GRIK2: variants seen among roughly 807,000 people sequenced by gnomAD.
GRIK2 encodes glutamate ionotropic receptor kainate type subunit 2.
A neutral mutation model predicts 100.3 loss-of-function variants in GRIK2; 32 were observed. The ratio of observed to expected loss-of-function variants is 0.32; its 90% CI spans 0.24 to 0.43. The LOEUF (loss-of-function observed/expected upper bound fraction) is 0.43. Ranked by LOEUF, GRIK2 falls within the 20% of genes least tolerant of loss-of-function variation. The pLI, the probability that GRIK2 is intolerant of heterozygous loss-of-function variation, is 1.00. For missense variants in GRIK2, 843 were observed against 1,114.9 expected (o/e 0.76, Z 3.47); for synonymous variants, 417 against 389.4 (o/e 1.07, Z -0.83).
At chr6:101,923,509 G>A (rs909132580) in intron 12 of GRIK2, among the ~76,000 whole-genome samples, 1 of 152,072 alleles carries the variant, frequency 6.6e-6, no homozygotes, top group South Asian at 2.1e-4. Flanking sequence ...TCTACAACTG[G>A]CCTTAAAAAT....
chr6:101,627,490 T>A (rs1780519814), intron 4 of GRIK2, among the ~76,000 whole-genome samples: 1 of 152,174 alleles, frequency 6.6e-6, no homozygotes, highest in African/African-American at 2.4e-5. Flanking sequence ...TTTGCTAGGG[T>A]AGTTTCTCAA....
At chr6:101,947,769 C>T (rs1013565791) in intron 14 of GRIK2, among the ~76,000 whole-genome samples, 2 of 152,164 alleles carry the variant, frequency 1.3e-5, no homozygotes, top group Admixed American at 1.3e-4. Context: ...TATTTCAATA[C>T]ACATGTTCAG....
chr6:101,428,568 T>C (rs973523758), intron 2 of GRIK2, among the ~76,000 whole-genome samples: 1 of 152,198 alleles, frequency 6.6e-6, no homozygotes, highest in Admixed American at 6.5e-5. Context: ...AAAAACTATA[T>C]TGAAATAAAA....
chr6:101,734,564 T>C (rs1012985557), intron 7 of GRIK2, among the ~76,000 whole-genome samples: 2 of 152,210 alleles, frequency 1.3e-5, no homozygotes. Flanking sequence ...ATCATGTTTG[T>C]CAAAGTATTT....
intron 10 of GRIK2, among the ~76,000 whole-genome samples, chr6:101,858,386 C>CTTTT (rs780526806): frequency 2.4e-4 from 22 of 91,654 alleles, no homozygotes; most frequent in Non-Finnish European, 3.4e-4. Flanking sequence ...ATTTTTTTTT[C>CTTTT]TTTTTTTTTT....
intron 14 of GRIK2, among the ~76,000 whole-genome samples, chr6:101,954,233 A>G (rs569016367): frequency 2.0e-5 from 3 of 152,234 alleles, no homozygotes; most frequent in Admixed American, 1.3e-4. Flanking sequence ...CTGCATCTAT[A>G]AGAATTTTGG....
intron 1 of GRIK2, among the ~76,000 whole-genome samples, chr6:101,396,433 A>G (rs1008684576): frequency 1.1e-4 from 16 of 151,626 alleles, no homozygotes; most frequent in African/African-American, 3.9e-4. Flanking sequence ...CTTTCTAGCA[A>G]TTTTTTTTTG....
chr6:101,415,431 C>A (rs577554950), intron 2 of GRIK2, among the ~76,000 whole-genome samples: 1 of 139,966 alleles, frequency 7.1e-6, no homozygotes, highest in African/African-American at 2.7e-5. Context: ...AGTGCAGTGG[C>A]GCGATCTCGG....
intron 10 of GRIK2, among the ~76,000 whole-genome samples, chr6:101,831,007 C>A (rs975317550): frequency 5.3e-5 from 8 of 151,986 alleles, no homozygotes; most frequent in African/African-American, 1.9e-4. Context: ...TTGAAAACAT[C>A]CTATTGGATA....
At chr6:101,664,309 G>C (rs1201713044) in intron 4 of GRIK2, among the ~76,000 whole-genome samples, 1 of 152,196 alleles carries the variant, frequency 6.6e-6, no homozygotes, top group Non-Finnish European at 1.5e-5. Context: ...GATGGGTCTA[G>C]GCTTTGGTCA....
intron 2 of GRIK2, among the ~76,000 whole-genome samples, chr6:101,503,694 A>G (rs1773883938): frequency 6.6e-6 from 1 of 152,116 alleles, no homozygotes; most frequent in Middle Eastern, 3.2e-3. Flanking sequence ...TAAATTTTAG[A>G]GTGTTTCTGT....
At chr6:101,696,104 A>G (rs1048918315) in intron 7 of GRIK2, among the ~76,000 whole-genome samples, 2 of 152,026 alleles carry the variant, frequency 1.3e-5, no homozygotes, top group Non-Finnish European at 2.9e-5. Flanking sequence ...TAAAAAACAA[A>G]TGACACACGT....
At chr6:101,783,324 C>G (rs557311311) in intron 7 of GRIK2, among the ~76,000 whole-genome samples, 44 of 146,790 alleles carry the variant, frequency 3.0e-4, no homozygotes, top group Non-Finnish European at 5.5e-4. Context: ...CATGCTCTCT[C>G]TCTCTCTCTT....
chr6:101,737,648 A>G (rs778290539), intron 7 of GRIK2, among the ~76,000 whole-genome samples: 1 of 152,234 alleles, frequency 6.6e-6, no homozygotes, highest in African/African-American at 2.4e-5. Context: ...GGGTGGGGAC[A>G]CAGATCCAAA....
At chr6:101,666,260 T>A (rs1173929358) in intron 4 of GRIK2, among the ~76,000 whole-genome samples, 1 of 152,192 alleles carries the variant, frequency 6.6e-6, no homozygotes, top group East Asian at 1.9e-4. Flanking sequence ...GTGCCCAGAC[T>A]TTTCAGTTGT....
chr6:101,990,773 T>C (rs762968212), intron 14 of GRIK2, among the ~76,000 whole-genome samples: 5 of 151,556 alleles, frequency 3.3e-5, no homozygotes, highest in Non-Finnish European at 5.9e-5. Context: ...AAAATTACAA[T>C]GGACATAAAT....
chr6:101,584,565 A>C (rs549518995), intron 2 of GRIK2, among the ~76,000 whole-genome samples: 1 of 151,928 alleles, frequency 6.6e-6, no homozygotes, highest in African/African-American at 2.4e-5. Context: ...AACAAAATCT[A>C]GAAGAACAAA....
At chr6:101,477,621 A>G (rs1338590652) in intron 2 of GRIK2, among the ~76,000 whole-genome samples, 1 of 152,188 alleles carries the variant, frequency 6.6e-6, no homozygotes, top group Admixed American at 6.5e-5. Flanking sequence ...AGGTTTATTC[A>G]TATCTGCCTG....
chr6:101,702,703 AG>A (rs1324058631), intron 7 of GRIK2, among the ~76,000 whole-genome samples: 1 of 151,888 alleles, frequency 6.6e-6, no homozygotes, highest in Non-Finnish European at 1.5e-5. Context: ...GAAGATGGAG[AG>A]TGATTTAGGT....
Sources: gnomAD v4.1 joint callset for allele counts (sites outside exome capture counted in the v4.1 genomes callset) on GRCh38, gnomAD v4.1.1 for gene constraint, MANE v1.5 for transcripts, NCBI Gene and HGNC (gene_info 2026-07-23, HGNC 2026-07-21) for gene names.